The following CACNA2D3 variants were observed in gnomAD, a reference collection of about 807,000 sequenced individuals.
CACNA2D3 encodes the protein calcium voltage-gated channel auxiliary subunit alpha2delta 3.
CACNA2D3 carries 60 observed loss-of-function variants against 160.6 expected under a neutral mutation model. The observed-to-expected ratio is 0.37, with a 90% CI of 0.30 to 0.46. The LOEUF is 0.46. Ranked by LOEUF, CACNA2D3 falls within the 20% of genes least tolerant of loss-of-function variation. The pLI, the probability that CACNA2D3 is intolerant of heterozygous loss-of-function variation, is 1.00. For synonymous variants in CACNA2D3, 558 were observed against 492.9 expected, an observed-to-expected ratio of 1.13 and a Z score of -1.75; for missense variants, 1,205 against 1,365.0, an observed-to-expected ratio of 0.88 and a Z score of 1.85.
At chr3:54,741,055 G>T (rs1312945826) in intron 11 of CACNA2D3, among the ~76,000 whole-genome samples, 3 of 152,160 alleles carry the variant, frequency 2.0e-5, no homozygotes, top group Non-Finnish European at 4.4e-5. Flanking sequence ...AAGGCCAAGT[G>T]GGTCTTGGTT....
intron 27 of CACNA2D3, among the ~76,000 whole-genome samples, chr3:54,963,916 A>G (rs1217370460): frequency 6.6e-6 from 1 of 152,220 alleles, no homozygotes; most frequent in Non-Finnish European, 1.5e-5. Context: ...TCTGGAAGGA[A>G]GATACTTTGT....
Position 55,018,439 on chromosome 3 carries a change from C to T in CACNA2D3, c.2987+122C>T, listed in dbSNP as rs557907421. ...AATAGAAAACATGGCTGCCCTCTTG[C>T]GTAAGGAAGTATTTCTATCAGCTTG... On this transcript the variant is annotated intron_variant, in intron 35 of 37. Transcript: ENST00000474759. 37 of 631,546 alleles carry T rather than the reference C, an allele frequency of 5.9e-5. 1 individual carries two copies. The East Asian group carries it at 5.9e-4, about 10-fold the overall frequency. 39.1% of individuals were successfully genotyped at this position (631,546 alleles called of 1,614,324 possible). A position where few individuals can be genotyped will look rare whatever the true frequency, so the allele number is the denominator to read the frequency against.
At chr3:54,710,242 G>A (rs557957241) in intron 11 of CACNA2D3, among the ~76,000 whole-genome samples, 1 of 152,224 alleles carries the variant, frequency 6.6e-6, no homozygotes, top group African/African-American at 2.4e-5. Flanking sequence ...TAAGTATGAT[G>A]AAGGGAAAAT....
chr3:54,731,071 T>C (rs1701374660), intron 11 of CACNA2D3, among the ~76,000 whole-genome samples: 1 of 152,152 alleles, frequency 6.6e-6, no homozygotes, highest in Admixed American at 6.5e-5. Context: ...AAAAGTCAAC[T>C]TGCCAAAAAA....
chr3:54,371,241 A>T lies in CACNA2D3; in HGVS notation c.322-15474A>T, dbSNP rs932912805. On this transcript the variant is annotated intron_variant, in intron 3 of 37. Coordinates refer to ENST00000474759, the MANE Select transcript of CACNA2D3 (RefSeq NM_018398.3). ...CCTTGGGTGTGTATCTAGGAGTCGAATTGCTGGGTCATATGGTAACTCTTG... is the reference window on the plus strand; with the variant it reads ...CCTTGGGTGTGTATCTAGGAGTCGATTTGCTGGGTCATATGGTAACTCTTG... Among the ~76,000 whole-genome samples, 4 of 152,082 alleles carry T rather than the reference A, an allele frequency of 2.6e-5. No homozygotes were observed. The South Asian group carries it at 6.2e-4, about 24-fold the overall frequency.
chr3:54,205,429 AAAGCAAAGTTGTAC>A (rs1272513342), intron 2 of CACNA2D3, among the ~76,000 whole-genome samples: 2 of 152,204 alleles, frequency 1.3e-5, no homozygotes, highest in African/African-American at 4.8e-5. Context: ...AACGCTAAGA[AAAGCAAAGTTGTAC>A]AAGGAAGGAA....
At chr3:54,553,532 C>T (rs1030861677) in intron 5 of CACNA2D3, among the ~76,000 whole-genome samples, 3 of 152,178 alleles carry the variant, frequency 2.0e-5, no homozygotes, top group African/African-American at 7.2e-5. Flanking sequence ...TGCACAGGGG[C>T]CACACTTTAA....
At chr3:54,282,669 A>G (rs949178567) in intron 2 of CACNA2D3, among the ~76,000 whole-genome samples, 4 of 152,218 alleles carry the variant, frequency 2.6e-5, no homozygotes, top group African/African-American at 7.2e-5. Flanking sequence ...TGGGTATGCA[A>G]TGAGCTTCAT....
chr3:54,770,028 G>A (rs1702290731), intron 13 of CACNA2D3, among the ~76,000 whole-genome samples: 1 of 152,082 alleles, frequency 6.6e-6, no homozygotes, highest in Non-Finnish European at 1.5e-5. Flanking sequence ...AATTACACAA[G>A]GAAAGGGAAA....
At chr3:54,899,912 C>T (rs376447695) in intron 27 of CACNA2D3, 44 bp downstream of exon 27, 61 of 1,394,238 alleles carry the variant, frequency 4.4e-5, no homozygotes, top group Non-Finnish European at 6.0e-5. Context: ...AAGCATGGCG[C>T]CCATTCATCC....
chr3:54,593,864 T>C (rs1291324284), intron 9 of CACNA2D3, among the ~76,000 whole-genome samples: 1 of 152,222 alleles, frequency 6.6e-6, no homozygotes, highest in Non-Finnish European at 1.5e-5. Context: ...TAGTTCCTAA[T>C]TCCTGCATAG....
intron 2 of CACNA2D3, among the ~76,000 whole-genome samples, chr3:54,194,597 C>G (rs963563460): frequency 1.3e-5 from 2 of 152,100 alleles, no homozygotes; most frequent in Admixed American, 6.5e-5. Context: ...ACAAAATACC[C>G]GAGACTGGGT....
chr3:54,477,668 C>T (rs545790108), intron 4 of CACNA2D3, among the ~76,000 whole-genome samples: 1 of 152,158 alleles, frequency 6.6e-6, no homozygotes, highest in Non-Finnish European at 1.5e-5. Flanking sequence ...TGATCTCCTC[C>T]CTGAATCTCT....
intron 17 of CACNA2D3, among the ~76,000 whole-genome samples, chr3:54,860,795 A>T (rs1330966551): frequency 1.3e-5 from 2 of 152,176 alleles, no homozygotes; most frequent in Non-Finnish European, 2.9e-5. Flanking sequence ...TGGGGCTGAA[A>T]TTCATCCAAG....
chr3:54,364,660 G>A (rs1243111055), intron 3 of CACNA2D3, among the ~76,000 whole-genome samples: 1 of 152,196 alleles, frequency 6.6e-6, no homozygotes, highest in Non-Finnish European at 1.5e-5. Context: ...AAGTAAGACC[G>A]TTGCATTTCC....
At chr3:54,835,170 G>C (rs1698651193) in intron 14 of CACNA2D3, among the ~76,000 whole-genome samples, 1 of 152,038 alleles carries the variant, frequency 6.6e-6, no homozygotes, top group Non-Finnish European at 1.5e-5. Flanking sequence ...GTCACGGAGG[G>C]ATATAGGACT....
rs1224875065 is a variant in CACNA2D3 at position 54,886,732 on chromosome 3, CTATAT to C, written c.2056+1151_2056+1155del. ...ACTTTATGGTATATTGTATGAATTACTATATTATAATACATACAATATGTGTATAA... is the reference window on the plus strand; with the variant it reads ...ACTTTATGGTATATTGTATGAATTACTATAATACATACAATATGTGTATAA... On this transcript the variant is annotated intron_variant, in intron 23 of 37. Coordinates refer to ENST00000474759, the MANE Select transcript of CACNA2D3 (RefSeq NM_018398.3). Among the ~76,000 whole-genome samples the C allele has an allele frequency of 1.3e-4, 20 of 151,594 alleles. No homozygotes were observed. The South Asian group carries it at 1.7e-3, about 13-fold the overall frequency.
chr3:54,148,182 T>C (rs1700072519), intron 2 of CACNA2D3, among the ~76,000 whole-genome samples: 1 of 152,224 alleles, frequency 6.6e-6, no homozygotes, highest in African/African-American at 2.4e-5. Flanking sequence ...TCCAGATGTC[T>C]CCTTCATTCT....
At chr3:54,319,199 C>CACACACACACACACACAT (rs1291286123) in intron 2 of CACNA2D3, among the ~76,000 whole-genome samples, 55 of 149,274 alleles carry the variant, frequency 3.7e-4, no homozygotes, top group East Asian at 1.0e-3. Context: ...CACACACACA[C>CACACACACACACACACAT]ACCCTTCCTC....
Sources: allele counts gnomAD v4.1 joint callset (sites outside exome capture counted in the v4.1 genomes callset), GRCh38; gene constraint gnomAD v4.1.1; transcripts MANE v1.5; gene names NCBI Gene and HGNC (gene_info 2026-07-23, HGNC 2026-07-21).